CSTF2T: variants seen among roughly 807,000 people sequenced by gnomAD.
CSTF2T encodes cleavage stimulation factor subunit 2 tau variant, also known as CF-1 64 kDa subunit tau.
Under a neutral mutation model 39.9 loss-of-function variants are expected in CSTF2T, and 18 were observed. That is an observed-to-expected ratio of 0.45 (90% CI 0.31 to 0.67). The LOEUF is 0.67. CSTF2T is among the 30% of genes least tolerant of loss of function. The probability of loss-of-function intolerance (pLI) is 0.06; values close to 1 mark genes in which losing one functional copy is unlikely to be tolerated. For synonymous variants in CSTF2T, 291 were observed against 276.4 expected, an observed-to-expected ratio of 1.05 and a Z score of -0.52; for missense variants, 681 against 789.0, an observed-to-expected ratio of 0.86 and a Z score of 1.64.
chr10:51,699,008 A>G lies in CSTF2T; in HGVS notation c.542T>C (p.Ile181Thr). ...TTTCAGAGCAATCTCTGGATCCATGATTCTCATCACTACTTGTGCCTGCAA... is the reference window on the plus strand; with the variant it reads ...TTTCAGAGCAATCTCTGGATCCATGGTTCTCATCACTACTTGTGCCTGCAA... ...ALLQAQVVMR[I>T]MDPEIALKIL... Residue 181 changes from isoleucine to threonine, a missense_variant, in exon 1 of 1, where the codon ATC (isoleucine) becomes ACC (threonine). Physicochemically the swap from Ile to Thr is moderately conservative, Grantham distance 89 (BLOSUM62 -1). Around this residue, in one of 4 missense-constraint regions of CSTF2T, gnomAD observed 329 missense variants for 344.1 expected, o/e 0.96. Coordinates refer to ENST00000331173, the MANE Select transcript of CSTF2T (RefSeq NM_015235.3). 1.5e-5 allele frequency: 25 copies of G among 1,614,224 alleles called. No homozygotes were observed. Among genetic ancestry groups the G allele is most frequent in the Non-Finnish European group, 2.0e-5 (24 of 1,180,044 alleles).
chr10:51,697,608 A>G lies in CSTF2T; in HGVS notation c.*91T>C. The G allele has an allele frequency of 1.6e-6, 2 of 1,222,238 alleles. No individual in the cohort carries two copies. Among genetic ancestry groups the G allele is most frequent in the South Asian group, 2.8e-5 (2 of 72,092 alleles). 75.7% of individuals were successfully genotyped at this position (1,222,238 alleles called of 1,614,324 possible). On this transcript the variant is annotated 3_prime_UTR_variant, in exon 1 of 1. Coordinates refer to ENST00000331173, the MANE Select transcript of CSTF2T (RefSeq NM_015235.3). ...CTAGGAGGAGGGAAACCCTAATCCA[A>G]GTGTGGGGATACAGAAGTCAGCTTT...
Position 51,697,639 on chromosome 10 carries a change from C to T in CSTF2T, c.*60G>A. Reference sequence around the variant, plus strand: ...GGGATACAGAAGTCAGCTTTTTGCACCCATTCTCCATGCTACAGAATAAAA... The same window carrying T: ...GGGATACAGAAGTCAGCTTTTTGCATCCATTCTCCATGCTACAGAATAAAA... On this transcript the variant is annotated 3_prime_UTR_variant, in exon 1 of 1. Coordinates refer to ENST00000331173, the MANE Select transcript of CSTF2T (RefSeq NM_015235.3). 3 of 1,541,302 alleles carry T rather than the reference C, an allele frequency of 1.9e-6. No homozygotes were observed. Among genetic ancestry groups the T allele is most frequent in the Middle Eastern group, 2.3e-4 (1 of 4,414 alleles).
In CSTF2T at chr10:51,697,771, C is replaced by T. The variant is rs780808091; in HGVS notation, c.1779G>A (p.Met593Ile). 2 of 1,614,188 alleles carry T rather than the reference C, an allele frequency of 1.2e-6. No homozygotes were observed. Among genetic ancestry groups the T allele is most frequent in the East Asian group, 4.5e-5 (2 of 44,878 alleles). The change falls in exon 1 of 1, where the codon ATG (methionine) becomes ATA (isoleucine). Residue 593 changes from methionine to isoleucine, a missense_variant. Physicochemically the swap from Met to Ile is conservative, Grantham distance 10. This residue lies in a region of CSTF2T where 282 missense variants were observed against 289.2 expected (regional missense o/e 0.98). Coordinates refer to ENST00000331173, the MANE Select transcript of CSTF2T (RefSeq NM_015235.3). The part of the protein sequence containing the change: ...VLQLTADQIA[M>I]LPPEQRQSIL... ...TACTCTGCCTTTGCTCAGGGGGCAGCATGGCAATCTGATCTGCAGTCAGTT... is the reference window on the plus strand; with the variant it reads ...TACTCTGCCTTTGCTCAGGGGGCAGTATGGCAATCTGATCTGCAGTCAGTT...
Position 51,697,871 on chromosome 10 carries a change from C to T in CSTF2T, c.1679G>A (p.Ser560Asn), listed in dbSNP as rs750393468. ...CTGGCTCTGCCCAGGACTAAAACTG[C>T]TAGGCTGGCTTCCACCTTGCTTGCT... ...GASKQGGSQP[S>N]SFSPGQSQVT... Residue 560 changes from serine to asparagine, a missense_variant, in exon 1 of 1, where the codon AGC becomes AAC. Transcript: ENST00000331173. 6.2e-7 allele frequency: 1 copy of T among 1,613,726 alleles called. No homozygotes were observed. The highest frequency in any genetic ancestry group is 1.1e-5 in the South Asian group (1 of 91,046).
In CSTF2T at chr10:51,696,814, C is replaced by G. The variant is rs1032853907; in HGVS notation, c.*885G>C. 6.6e-6 allele frequency: 1 copy of G among 151,968 alleles called. No individual in the cohort carries two copies. The highest frequency in any genetic ancestry group is 2.4e-5 in the African/African-American group (1 of 41,356). The allele number at this position is 151,968 out of a possible 1,614,324, so 9.4% of individuals were successfully genotyped here. On this transcript the variant is annotated 3_prime_UTR_variant, in exon 1 of 1. Coordinates refer to ENST00000331173, the MANE Select transcript of CSTF2T (RefSeq NM_015235.3). ...CCACTACTTATGAAAAGTCAAATAC[C>G]ATTTATAACTCATCTAGATCAACCA...
Position 51,699,590 on chromosome 10 carries a change from G to A in CSTF2T, c.-41C>T, listed in dbSNP as rs73343325. On this transcript the variant is annotated 5_prime_UTR_variant, in exon 1 of 1. Coordinates refer to ENST00000331173, the MANE Select transcript of CSTF2T (RefSeq NM_015235.3). ...GACAGCCGATAGCGGATTCTTCGAG[G>A]CGTCTGTCCTCTTGCGACCGACACT... is the stretch of plus-strand genomic sequence containing the variant. The A allele has an allele frequency of 4.4e-3, 6,851 of 1,568,594 alleles. 265 individuals are homozygous for A. In the African/African-American group the frequency reaches 0.076, roughly 17 times the overall value.
At position 51,699,185 on chromosome 10, in the gene CSTF2T, T is replaced by G; in HGVS notation, c.365A>C (p.Glu122Ala). 1 of 1,614,158 alleles carries G rather than the reference T, an allele frequency of 6.2e-7. No homozygotes were observed. The highest frequency in any genetic ancestry group is 8.5e-7 in the Non-Finnish European group (1 of 1,180,010). Residue 122 changes from glutamate (E) to alanine (A), a missense_variant, in exon 1 of 1, where the codon GAA (glutamate) becomes GCA (alanine). Physicochemically the swap from Glu to Ala is moderately radical, Grantham distance 107. Around this residue, in one of 4 missense-constraint regions of CSTF2T, gnomAD observed 329 missense variants for 344.1 expected, o/e 0.96. Coordinates refer to ENST00000331173, the MANE Select transcript of CSTF2T (RefSeq NM_015235.3). ...TCTGGTAATCGATTCAGGGGCATCT[T>G]CTGGATCGATGGGATCCCCATAGGG... ...DSPYGDPIDP[E>A]DAPESITRAV...
In CSTF2T at chr10:51,698,291, G is replaced by A; in HGVS notation, c.1259C>T (p.Thr420Ile). The change falls in exon 1 of 1, where the codon ACT becomes ATT. Residue 420 changes from threonine to isoleucine, a missense_variant. Around this residue, in one of 4 missense-constraint regions of CSTF2T, gnomAD observed 282 missense variants for 289.2 expected, o/e 0.98. Transcript: ENST00000331173. ...TAAGACCTCAGTTTCCATGGCACGA[G>A]TCTCCATCGCTCGAGAATCTCTACC... Reference protein sequence around the residue: ...RGGRDSRAMETRAMETEVLET... With the variant: ...RGGRDSRAMEIRAMETEVLET... The A allele has an allele frequency of 1.9e-6, 3 of 1,614,092 alleles. No individual in the cohort carries two copies. Among genetic ancestry groups the A allele is most frequent in the Non-Finnish European group, 2.5e-6 (3 of 1,180,010 alleles).
rs775981203 is a variant in CSTF2T at position 51,698,294 on chromosome 10, T to C, written c.1256A>G (p.Glu419Gly). The C allele has an allele frequency of 6.2e-7, 1 of 1,614,014 alleles. No homozygotes were observed. The highest frequency in any genetic ancestry group is 1.3e-5 in the African/African-American group (1 of 74,890). ...GRGGRDSRAM[E>G]TRAMETEVLE... ...GACCTCAGTTTCCATGGCACGAGTC[T>C]CCATCGCTCGAGAATCTCTACCACC... The change falls in exon 1 of 1, where the codon GAG (glutamate) becomes GGG (glycine). Residue 419 changes from glutamate (E) to glycine (G), a missense_variant. By Grantham distance (98) the Glu-to-Gly change is moderately conservative. This residue lies in a region of CSTF2T where 282 missense variants were observed against 289.2 expected (regional missense o/e 0.98). Coordinates refer to ENST00000331173, the MANE Select transcript of CSTF2T (RefSeq NM_015235.3).
chr10:51,698,433 G>A lies in CSTF2T; in HGVS notation c.1117C>T (p.Arg373Cys), dbSNP rs373436302. 20 of 1,614,106 alleles carry A rather than the reference G, an allele frequency of 1.2e-5. No homozygotes were observed. Among genetic ancestry groups the A allele is most frequent in the Non-Finnish European group, 1.5e-5 (18 of 1,180,022 alleles). ...PMHHASGHDT[R>C]GPSSHEMRGG... Reference sequence around the variant, plus strand: ...CTCATCTCATGTGAGGAAGGGCCACGAGTGTCATGACCAGAGGCATGATGC... The same window carrying A: ...CTCATCTCATGTGAGGAAGGGCCACAAGTGTCATGACCAGAGGCATGATGC... The change falls in exon 1 of 1, where the codon CGT (arginine) becomes TGT (cysteine). Residue 373 changes from arginine (R) to cysteine (C), a missense_variant. By Grantham distance (180) the Arg-to-Cys change is radical (BLOSUM62 -3). Coordinates refer to ENST00000331173, the MANE Select transcript of CSTF2T (RefSeq NM_015235.3).
In CSTF2T at chr10:51,698,245, C is replaced by G. The variant is rs945562538; in HGVS notation, c.1305G>C (p.Arg435Ser). 5 of 1,614,170 alleles carry G rather than the reference C, an allele frequency of 3.1e-6. 1 individual carries two copies. The highest frequency in any genetic ancestry group is 2.2e-5 in the South Asian group (2 of 91,078). Residue 435 changes from arginine (R) to serine (S), a missense_variant, in exon 1 of 1, where the codon AGG becomes AGC. Physicochemically the swap from Arg to Ser is moderately radical, Grantham distance 110. This residue lies in a region of CSTF2T where 282 missense variants were observed against 289.2 expected (regional missense o/e 0.98). Coordinates refer to ENST00000331173, the MANE Select transcript of CSTF2T (RefSeq NM_015235.3). ...CCATCGCACAGGTCTCCATTCCTCTCCTCTCCATTACACGTGTCTCTAAGA... is the reference window on the plus strand; with the variant it reads ...CCATCGCACAGGTCTCCATTCCTCTGCTCTCCATTACACGTGTCTCTAAGA... ...TEVLETRVME[R>S]RGMETCAMET... is the part of the protein sequence containing the mutation.
rs770698763 is a variant in CSTF2T, at chr10:51,699,232, A to C, written c.318T>G (p.Pro106=). 43 of 1,613,976 alleles carry C rather than the reference A, an allele frequency of 2.7e-5. No individual in the cohort carries two copies. Among genetic ancestry groups the C allele is most frequent in the Non-Finnish European group, 3.4e-5 (40 of 1,180,020 alleles). Residue 106 remains proline, a synonymous_variant, in exon 1 of 1, where the codon CCT becomes CCG. Transcript: ENST00000331173. The part of the protein sequence containing the change: ...KNKEELKSLG[P]AAPIIDSPYG... ...AGGGTGAGTCAATAATGGGCGCTGC[A>C]GGCCCAAGGCTCTTTAACTCCTCCT... is the stretch of plus-strand genomic sequence containing the variant.
In CSTF2T at chr10:51,698,335, T is replaced by A. The variant is rs1355045782; in HGVS notation, c.1215A>T (p.Leu405=). 1 of 1,614,140 alleles carries A rather than the reference T, an allele frequency of 6.2e-7. No individual in the cohort carries two copies. Among genetic ancestry groups the A allele is most frequent in the Non-Finnish European group, 8.5e-7 (1 of 1,180,018 alleles). ...PRGPMIDQRG[L]PMDGRGGRDS... is the part of the protein sequence containing the mutation. ...CTCTACCACCTCTACCATCCATAGG[T>A]AGACCCCTTTGATCTATCATGGGGC... Residue 405 remains leucine (L), a synonymous_variant, in exon 1 of 1, where the codon CTA becomes CTT. Transcript: ENST00000331173.
Position 51,698,903 on chromosome 10 carries a change from C to T in CSTF2T, c.647G>A (p.Gly216Asp). 1 of 1,613,638 alleles carries T rather than the reference C, an allele frequency of 6.2e-7. No individual in the cohort carries two copies. The highest frequency in any genetic ancestry group is 1.1e-5 in the South Asian group (1 of 91,074). The part of the protein sequence containing the change: ...QSVSVSGPGP[G>D]PGPGLCPGPN... ...TCCTGGGCAGAGCCCAGGGCCAGGG[C>T]CAGGGCCAGGGCCAGAGACAGACAC... The change falls in exon 1 of 1, where the codon GGC (glycine) becomes GAC (aspartate). Residue 216 changes from glycine to aspartate, a missense_variant. Around this residue, in one of 4 missense-constraint regions of CSTF2T, gnomAD observed 329 missense variants for 344.1 expected, o/e 0.96. Coordinates refer to ENST00000331173, the MANE Select transcript of CSTF2T (RefSeq NM_015235.3).
Position 51,697,340 on chromosome 10 carries a change from T to G in CSTF2T, c.*359A>C, listed in dbSNP as rs563529892. The G allele has an allele frequency of 9.9e-6, 2 of 201,446 alleles. No homozygotes were observed. The highest frequency in any genetic ancestry group is 4.7e-5 in the African/African-American group (2 of 42,998). 12.5% of individuals were successfully genotyped at this position (201,446 alleles called of 1,614,324 possible). On this transcript the variant is annotated 3_prime_UTR_variant, in exon 1 of 1. Transcript: ENST00000331173. ...CATTAACGTTTTAACAGGTCAACTT[T>G]TAGTCTTTATGAGCAGTTTTCACGA...
chr10:51,696,029 A>T lies in CSTF2T; in HGVS notation c.*1670T>A, dbSNP rs1208980807. 1 of 152,204 alleles carries T rather than the reference A, an allele frequency of 6.6e-6. No homozygotes were observed. Among genetic ancestry groups the T allele is most frequent in the African/African-American group, 2.4e-5 (1 of 41,456 alleles). 9.4% of individuals were successfully genotyped at this position (152,204 alleles called of 1,614,324 possible). ...AGAAAAAATAAAGTCGTAGTAGCAC[A>T]ATGTGATAAGCTCCATCTTCCAACC... On this transcript the variant is annotated 3_prime_UTR_variant, in exon 1 of 1. Coordinates refer to ENST00000331173, the MANE Select transcript of CSTF2T (RefSeq NM_015235.3).
At position 51,698,130 on chromosome 10, in the gene CSTF2T, C is replaced by T; in HGVS notation, c.1420G>A (p.Gly474Arg). The stretch of plus-strand genomic sequence containing the variant: ...TTAATGGGACCAGGACCCTGAATTC[C>T]ACCAGTCATAGGGCCTCTTGAACTG... Reference protein sequence around the residue: ...VPSSRGPMTGGIQGPGPINIG... With the variant: ...VPSSRGPMTGRIQGPGPINIG... Residue 474 changes from glycine to arginine, a missense_variant, in exon 1 of 1, where the codon GGA becomes AGA. Physicochemically the swap from Gly to Arg is moderately radical, Grantham distance 125 (BLOSUM62 -2). Around this residue, in one of 4 missense-constraint regions of CSTF2T, gnomAD observed 282 missense variants for 289.2 expected, o/e 0.98. Coordinates refer to ENST00000331173, the MANE Select transcript of CSTF2T (RefSeq NM_015235.3). 1 of 1,614,126 alleles carries T rather than the reference C, an allele frequency of 6.2e-7. No homozygotes were observed. The highest frequency in any genetic ancestry group is 1.1e-5 in the South Asian group (1 of 91,084).
In CSTF2T at chr10:51,699,302, C is replaced by T. The variant is rs1464441874; in HGVS notation, c.248G>A (p.Ser83Asn). Residue 83 changes from serine (S) to asparagine (N), a missense_variant, in exon 1 of 1, where the codon AGT becomes AAT. Ser to Asn is a conservative substitution (Grantham distance 46). Transcript: ENST00000331173. ...ATTGTCCACCCGAAGCGCTCTCCCACTGAACTCCCGCCCATTGAGGTTCCG... is the reference window on the plus strand; with the variant it reads ...ATTGTCCACCCGAAGCGCTCTCCCATTGAACTCCCGCCCATTGAGGTTCCG... ...AMRNLNGREF[S>N]GRALRVDNAA... is the part of the protein sequence containing the mutation. 1 of 1,614,162 alleles carries T rather than the reference C, an allele frequency of 6.2e-7. No individual in the cohort carries two copies. The highest frequency in any genetic ancestry group is 8.5e-7 in the Non-Finnish European group (1 of 1,180,024).
In CSTF2T at chr10:51,698,467, A is replaced by G; in HGVS notation, c.1083T>C (p.Gly361=). 6.2e-7 allele frequency: 1 copy of G among 1,613,974 alleles called. No individual in the cohort carries two copies. Among genetic ancestry groups the G allele is most frequent in the Non-Finnish European group, 8.5e-7 (1 of 1,179,966 alleles). ...PRGYLGPPHQ[G]PPMHHASGHD... ...GACCAGAGGCATGATGCATGGGGGG[A>G]CCCTGATGGGGTGGACCCAGATAAC... The change falls in exon 1 of 1, where the codon GGT becomes GGC. Residue 361 remains glycine, a synonymous_variant. Coordinates refer to ENST00000331173, the MANE Select transcript of CSTF2T (RefSeq NM_015235.3).
Sources: allele counts gnomAD v4.1 joint callset, GRCh38; gene constraint gnomAD v4.1.1; regional missense constraint gnomAD v4.1.1; transcripts MANE v1.5; gene names NCBI Gene and HGNC (gene_info 2026-07-23, HGNC 2026-07-21).